Variants in GABRG2 observed in about 807,000 individuals in gnomAD.
GABRG2 encodes the protein gamma-aminobutyric acid type A receptor subunit gamma2.
A neutral mutation model predicts 56.4 loss-of-function variants in GABRG2; 16 were observed. The ratio of observed to expected loss-of-function variants is 0.28; its 90% CI spans 0.19 to 0.43. The LOEUF (loss-of-function observed/expected upper bound fraction) is 0.43. GABRG2 is among the 20% of genes least tolerant of loss of function. The probability of loss-of-function intolerance (pLI) is 1.00; values close to 1 mark genes in which losing one functional copy is unlikely to be tolerated. For missense variants in GABRG2, 327 were observed against 582.7 expected, an observed-to-expected ratio of 0.56 and a Z score of 4.52; for synonymous variants, 208 against 205.5, an observed-to-expected ratio of 1.01 and a Z score of -0.10.
At chr5:162,094,829 A>T (rs1349082005) in intron 2 of GABRG2, 2 of 152,334 alleles carry the variant, frequency 1.3e-5, no homozygotes, top group East Asian at 1.9e-4. Context: ...GCATTTGGTC[A>T]TGGATATTAT....
At chr5:162,151,619 T>C in intron 8 of GABRG2, 111 bp from the exon 9 acceptor site, 2 of 907,452 alleles carry the variant, frequency 2.2e-6, no homozygotes, top group Non-Finnish European at 3.5e-6. Flanking sequence ...TCACTTACTG[T>C]GTTTTCAAAA....
intron 8 of GABRG2, chr5:162,150,897 C>G (rs761403244): frequency 5.3e-5 from 8 of 152,252 alleles, no homozygotes; most frequent in Non-Finnish European, 8.8e-5. Flanking sequence ...TTTTGCCTCT[C>G]TCTGACTTTC....
At chr5:162,079,330 T>C (rs1293804300) in intron 1 of GABRG2, among the ~76,000 whole-genome samples, 2 of 152,174 alleles carry the variant, frequency 1.3e-5, no homozygotes, top group East Asian at 3.8e-4. Flanking sequence ...GTAAGTGATA[T>C]ATACCAAGCA....
At chr5:162,122,757 G>A (rs569298507) in intron 6 of GABRG2, among the ~76,000 whole-genome samples, 88 of 151,538 alleles carry the variant, frequency 5.8e-4, no homozygotes, top group Middle Eastern at 3.4e-3. Flanking sequence ...AAGAAAAATA[G>A]TATTCTTATA....
intron 1 of GABRG2, chr5:162,083,427 T>G (rs1311186558): frequency 6.4e-6 from 1 of 156,996 alleles, no homozygotes; most frequent in Non-Finnish European, 1.4e-5. Context: ...TTATGTATGT[T>G]TGTATATATG....
chr5:162,092,253 A>G (rs544554433), intron 1 of GABRG2, among the ~76,000 whole-genome samples: 93 of 152,204 alleles, frequency 6.1e-4, no homozygotes, highest in Non-Finnish European at 1.1e-3. Flanking sequence ...TGCCCAGCCC[A>G]TTATACCCAC....
At chr5:162,105,814 TACACACAC>T (rs67276484) in intron 6 of GABRG2, among the ~76,000 whole-genome samples, 5 of 147,570 alleles carry the variant, frequency 3.4e-5, no homozygotes, top group African/African-American at 7.5e-5. Flanking sequence ...AGAAAACACA[TACACACAC>T]ACACACACAC....
intron 6 of GABRG2, among the ~76,000 whole-genome samples, chr5:162,126,491 G>T (rs1171604579): frequency 6.6e-6 from 1 of 151,972 alleles, no homozygotes; most frequent in East Asian, 1.9e-4. Context: ...TCTTTAGATA[G>T]AGTTAAAACT....
chr5:162,101,329 T>C lies in GABRG2; in HGVS notation c.631+12T>C, dbSNP rs775399703. On this transcript the variant is annotated intron_variant, in intron 5 of 9. Transcript: ENST00000639213. ...GGAGTTCTCCAGTTGTAAGTAATAT[T>C]CCTTCTCCATTTGTATCCTCCCTCA... 3 of 1,547,884 alleles carry C rather than the reference T, an allele frequency of 1.9e-6. No homozygotes were observed. Among genetic ancestry groups the C allele is most frequent in the Middle Eastern group, 1.7e-4 (1 of 5,936 alleles).
At chr5:162,123,446 A>T (rs932974298) in intron 6 of GABRG2, among the ~76,000 whole-genome samples, 4 of 151,914 alleles carry the variant, frequency 2.6e-5, no homozygotes, top group African/African-American at 9.7e-5. Flanking sequence ...ACAAATTTTC[A>T]TATGGAACTT....
intron 1 of GABRG2, among the ~76,000 whole-genome samples, chr5:162,091,870 C>T (rs1396562008): frequency 6.6e-6 from 1 of 151,928 alleles, no homozygotes; most frequent in Non-Finnish European, 1.5e-5. Context: ...ATTCCCTTTT[C>T]TTGAAGAAAA....
chr5:162,067,934 T>C lies in GABRG2; in HGVS notation c.-66T>C. ...CATCAGATCATAAGCATAAGAATAA[T>C]ACAAAGGGGAGGGATTCTTCTGCAA... On this transcript the variant is annotated 5_prime_UTR_variant, in exon 1 of 10. Coordinates refer to ENST00000639213, the MANE Select transcript of GABRG2 (RefSeq NM_198904.4). The C allele has an allele frequency of 9.0e-7, 1 of 1,105,730 alleles. No homozygotes were observed. Among genetic ancestry groups the C allele is most frequent in the Admixed American group, 1.7e-5 (1 of 58,246 alleles). 68.5% of individuals were successfully genotyped at this position (1,105,730 alleles called of 1,614,324 possible).
At chr5:162,096,571 G>A (rs1201020542) in intron 3 of GABRG2, among the ~76,000 whole-genome samples, 2 of 152,000 alleles carry the variant, frequency 1.3e-5, no homozygotes, top group Non-Finnish European at 2.9e-5. Flanking sequence ...CTCATTACTT[G>A]TAGACTGTAA....
At chr5:162,072,103 T>C (rs1185641691) in intron 1 of GABRG2, among the ~76,000 whole-genome samples, 1 of 151,988 alleles carries the variant, frequency 6.6e-6, no homozygotes. Context: ...GATCAGGTAA[T>C]TTCCTCAAAA....
chr5:162,086,355 A>G (rs746869566), intron 1 of GABRG2, among the ~76,000 whole-genome samples: 14 of 152,080 alleles, frequency 9.2e-5, no homozygotes, highest in East Asian at 1.9e-4. Flanking sequence ...TTAGAAAACA[A>G]CACCTTTGAA....
At chr5:162,094,777 G>C (rs1760875399) in intron 2 of GABRG2, 2 of 152,164 alleles carry the variant, frequency 1.3e-5, no homozygotes, top group African/African-American at 4.8e-5. Context: ...AAAGACTAAT[G>C]CTCTTGTTGT....
intron 6 of GABRG2, among the ~76,000 whole-genome samples, chr5:162,113,370 A>G (rs1162537808): frequency 6.6e-6 from 1 of 152,208 alleles, no homozygotes; most frequent in Non-Finnish European, 1.5e-5. Flanking sequence ...CCACTCCAAA[A>G]TTAACTACTC....
chr5:162,103,837 C>T, intron 5 of GABRG2, 52 bp from the exon 6 acceptor site: 1 of 1,598,724 alleles, frequency 6.3e-7, no homozygotes. Context: ...ATGGTTGCTA[C>T]ATATGCTAAT....
At chr5:162,136,147 A>C (rs1370022904) in intron 6 of GABRG2, among the ~76,000 whole-genome samples, 1 of 152,194 alleles carries the variant, frequency 6.6e-6, no homozygotes, top group East Asian at 1.9e-4. Context: ...GGGATGGTTC[A>C]GGATGGATCA....
Sources: allele counts gnomAD v4.1 joint callset (sites outside exome capture counted in the v4.1 genomes callset), GRCh38; gene constraint gnomAD v4.1.1; transcripts MANE v1.5; gene names NCBI Gene and HGNC (gene_info 2026-07-23, HGNC 2026-07-21).